The following ANK2 variants were observed in gnomAD, a reference collection of about 807,000 sequenced individuals.
ANK2 encodes the protein ankyrin 2.
A neutral mutation model predicts 360.5 loss-of-function variants in ANK2; 83 were observed. That is an observed-to-expected ratio of 0.23 (90% CI 0.19 to 0.28). ANK2 has a LOEUF of 0.28. ANK2 is among the 10% of genes least tolerant of loss of function. The pLI is 1.00. For missense variants in ANK2, 4,201 were observed against 4,795.7 expected (o/e 0.88, Z 3.66); for synonymous variants, 1,740 against 1,759.5 (o/e 0.99, Z 0.28).
chr4:113,277,717 A>G, intron 15 of ANK2, 120 bp from the exon 16 acceptor site: 2 of 739,266 alleles, frequency 2.7e-6, no homozygotes, highest in South Asian at 3.0e-5. Flanking sequence ...ATTTAATGCT[A>G]CCAGTATTTT....
chr4:112,894,195 G>A (rs1012425735), intron 1 of ANK2, among the ~76,000 whole-genome samples: 1 of 151,884 alleles, frequency 6.6e-6, no homozygotes, highest in South Asian at 2.1e-4. Flanking sequence ...CTCATTTCTT[G>A]AGCACTTACT....
intron 18 of ANK2, among the ~76,000 whole-genome samples, chr4:113,287,338 A>T (rs565149140): frequency 1.5e-4 from 23 of 152,334 alleles, no homozygotes; most frequent in African/African-American, 5.3e-4. Context: ...TGCTATTTTA[A>T]AGTCTCACAT....
intron 22 of ANK2, among the ~76,000 whole-genome samples, chr4:113,297,588 T>C (rs917288614): frequency 2.0e-5 from 3 of 152,096 alleles, no homozygotes; most frequent in South Asian, 2.1e-4. Flanking sequence ...GCCATAAAAA[T>C]GGCAATACAA....
intron 1 of ANK2, among the ~76,000 whole-genome samples, chr4:112,855,370 T>C (rs772159371): frequency 2.0e-5 from 3 of 152,240 alleles, no homozygotes; most frequent in Non-Finnish European, 2.9e-5. Flanking sequence ...CTTTCAGTTA[T>C]GCTAAATTGC....
At chr4:113,067,222 C>T (rs747365158) in intron 1 of ANK2, among the ~76,000 whole-genome samples, 1 of 151,904 alleles carries the variant, frequency 6.6e-6, no homozygotes, top group East Asian at 1.9e-4. Flanking sequence ...GCTAGGGAGA[C>T]ATGATATGGA....
intron 1 of ANK2, chr4:112,826,886 G>A: frequency 6.6e-7 from 1 of 1,504,562 alleles, no homozygotes; most frequent in South Asian, 1.1e-5. Flanking sequence ...TGACTTCTAT[G>A]GCAGGGGTCA....
the ANK2 span, among the ~76,000 whole-genome samples, chr4:112,801,806 CT>C: frequency 6.6e-6 from 1 of 152,072 alleles, no homozygotes; most frequent in Non-Finnish European, 1.5e-5. Context: ...TATAAACCCT[CT>C]TCAGGACTCT....
chr4:112,772,288 T>G, the ANK2 span, among the ~76,000 whole-genome samples: 1 of 152,092 alleles, frequency 6.6e-6, no homozygotes. Context: ...TGAAATAAGT[T>G]TCCCTTTATA....
intron 5 of ANK2, among the ~76,000 whole-genome samples, chr4:113,235,726 G>A (rs571935993): frequency 1.3e-5 from 2 of 151,938 alleles, no homozygotes; most frequent in East Asian, 1.9e-4. Flanking sequence ...GTGAGCCACC[G>A]TGCCTGGCCT....
chr4:113,191,284 A>G (rs944930358), intron 2 of ANK2, among the ~76,000 whole-genome samples: 1 of 152,204 alleles, frequency 6.6e-6, no homozygotes, highest in East Asian at 1.9e-4. Context: ...CGGAGGTTGC[A>G]CGATGAGTTG....
At chr4:113,271,556 T>C (rs1323282845) in intron 14 of ANK2, among the ~76,000 whole-genome samples, 2 of 152,180 alleles carry the variant, frequency 1.3e-5, no homozygotes, top group Admixed American at 1.3e-4. Flanking sequence ...ATTCACCCTC[T>C]CCCGAAGAAG....
In ANK2 at chr4:113,356,560, G is replaced by C. The variant is rs199828363; in HGVS notation, c.7942G>C (p.Gly2648Arg). ...TACAGGCAGTGGGGAGGATGAAAGTGGTGTCCCTGTGTTAGTAACTTCGGA... is the reference window on the plus strand; with the variant it reads ...TACAGGCAGTGGGGAGGATGAAAGTCGTGTCCCTGTGTTAGTAACTTCGGA... Reference protein sequence around the residue: ...KHTGSGEDESGVPVLVTSESR... With the variant: ...KHTGSGEDESRVPVLVTSESR... The change falls in exon 38 of 46, where the codon GGT becomes CGT. Residue 2648 changes from glycine (G) to arginine (R), a missense_variant. By Grantham distance (125) the Gly-to-Arg change is moderately radical. Around this residue, in one of 4 missense-constraint regions of ANK2, gnomAD observed 2,642 missense variants for 2,714.5 expected, o/e 0.97. Transcript: ENST00000357077. The C allele has an allele frequency of 6.2e-6, 10 of 1,613,978 alleles. No homozygotes were observed. Among genetic ancestry groups the C allele is most frequent in the Non-Finnish European group, 8.5e-6 (10 of 1,179,994 alleles).
intron 1 of ANK2, among the ~76,000 whole-genome samples, chr4:112,880,099 C>T (rs571795837): frequency 1.3e-5 from 2 of 152,190 alleles, no homozygotes; most frequent in African/African-American, 4.8e-5. Flanking sequence ...CACATATACT[C>T]TCTTACAGCT....
At chr4:112,954,466 C>A (rs528375854) in intron 2 of ANK2, among the ~76,000 whole-genome samples, 1 of 152,226 alleles carries the variant, frequency 6.6e-6, no homozygotes, top group South Asian at 2.1e-4. Context: ...TGTGACAGCT[C>A]ATATCCATTA....
At chr4:113,255,556 A>G (rs2048837821) in intron 10 of ANK2, among the ~76,000 whole-genome samples, 179 bp from the exon 11 acceptor site, 1 of 152,198 alleles carries the variant, frequency 6.6e-6, no homozygotes, top group South Asian at 2.1e-4. Flanking sequence ...AAATTAAATT[A>G]TCTCTTAGTG....
At chr4:112,844,041 A>C (rs1194678017) in intron 1 of ANK2, among the ~76,000 whole-genome samples, 1 of 152,226 alleles carries the variant, frequency 6.6e-6, no homozygotes, top group African/African-American at 2.4e-5. Context: ...GGAAAAAGTA[A>C]GATAATCCTT....
In ANK2 at chr4:113,381,583, T is replaced by C. The variant is rs1308794243; in HGVS notation, c.*112T>C. The stretch of plus-strand genomic sequence containing the variant: ...TAGACCAGGACGACCTCCAGCGCGA[T>C]CTCCAGCAGCTCCTTCGGCATTTCT... On this transcript the variant is annotated 3_prime_UTR_variant, in exon 46 of 46. Transcript: ENST00000357077. 2.5e-6 allele frequency: 4 copies of C among 1,598,702 alleles called. No homozygotes were observed. The highest frequency in any genetic ancestry group is 3.4e-6 in the Non-Finnish European group (4 of 1,170,886).
the ANK2 span, among the ~76,000 whole-genome samples, chr4:112,807,280 C>T: frequency 6.6e-6 from 1 of 152,208 alleles, no homozygotes; most frequent in Admixed American, 6.5e-5. Context: ...CATTAAGTGT[C>T]AGTTGAATTG....
At chr4:112,760,045 C>G in the ANK2 span, among the ~76,000 whole-genome samples, 3 of 152,222 alleles carry the variant, frequency 2.0e-5, no homozygotes, top group Non-Finnish European at 4.4e-5. Context: ...ATAGTTACCC[C>G]CTACCCCAGG....
Sources: gnomAD v4.1 joint callset for allele counts (sites outside exome capture counted in the v4.1 genomes callset) on GRCh38, gnomAD v4.1.1 for gene constraint, gnomAD v4.1.1 regional missense constraint, MANE v1.5 for transcripts, NCBI Gene and HGNC (gene_info 2026-07-23, HGNC 2026-07-21) for gene names.